The following VWF variants were observed in gnomAD, a reference collection of about 807,000 sequenced individuals.
The protein encoded by VWF is von Willebrand factor, also known as Factor VIII related antigen.
In VWF, 176 loss-of-function variants were observed where a neutral mutation model predicts 308.6. The observed-to-expected ratio is 0.57, with a 90% CI of 0.50 to 0.65. The LOEUF is 0.65. VWF is among the 30% of genes least tolerant of loss of function. The probability of loss-of-function intolerance (pLI) is 0.00; values close to 1 mark genes in which losing one functional copy is unlikely to be tolerated. For missense variants in VWF, 3,146 were observed against 3,648.2 expected (o/e 0.86, Z 3.55); for synonymous variants, 1,385 against 1,443.4 (o/e 0.96, Z 0.92).
At chr12:6,095,402 T>C in intron 6 of VWF, 58 bp downstream of exon 6, 1 of 1,612,326 alleles carries the variant, frequency 6.2e-7, no homozygotes, top group Non-Finnish European at 8.5e-7. Flanking sequence ...AGTCCTTCTG[T>C]CTTTTAGATC....
At chr12:5,986,381 T>G (rs1943681011) in intron 38 of VWF, among the ~76,000 whole-genome samples, 1 of 152,152 alleles carries the variant, frequency 6.6e-6, no homozygotes, top group Non-Finnish European at 1.5e-5. Context: ...GCTCCACTAA[T>G]AAGAAGCAGA....
At chr12:5,990,949 A>T (rs1464006568) in intron 38 of VWF, among the ~76,000 whole-genome samples, 1 of 150,354 alleles carries the variant, frequency 6.7e-6, no homozygotes, top group Non-Finnish European at 1.5e-5. Context: ...CAGCCCAAAA[A>T]AGATGCAGCA....
At chr12:6,013,797 T>C (rs1186859090) in intron 31 of VWF, 152 bp from the exon 32 acceptor site, 4 of 877,606 alleles carry the variant, frequency 4.6e-6, no homozygotes, top group East Asian at 2.6e-5. Flanking sequence ...AGTCAACAGA[T>C]ATTAATGAGC....
chr12:6,030,624 TA>T lies in VWF; in HGVS notation c.2820+819del, dbSNP rs1025909334. 2.2e-4 allele frequency among the ~76,000 whole-genome samples: 33 copies of T among 152,064 alleles called. 1 individual carries two copies. The highest frequency in any genetic ancestry group is 4.3e-4 in the Non-Finnish European group (29 of 68,012). ...GAGTCAGAATCTCAGCATGGAGTTC[TA>T]GGAGCCACATTTTAAACAAGATCTC... On this transcript the variant is annotated intron_variant, in intron 21 of 51. Transcript: ENST00000261405.
intron 6 of VWF, chr12:6,095,134 A>G (rs1260651320): frequency 2.7e-6 from 1 of 369,008 alleles, no homozygotes; most frequent in Non-Finnish European, 5.3e-6. Context: ...AAGACACTGA[A>G]TGCTGGTACC....
intron 40 of VWF, among the ~76,000 whole-genome samples, chr12:5,984,199 C>G (rs1943650875): frequency 6.6e-6 from 1 of 152,166 alleles, no homozygotes; most frequent in African/African-American, 2.4e-5. Flanking sequence ...ATAATAAGGG[C>G]AAAGTGCCCG....
Position 6,080,402 on chromosome 12 carries a change from G to C in VWF, c.658-4851C>G, listed in dbSNP as rs575655072. 6.6e-5 allele frequency among the ~76,000 whole-genome samples: 10 copies of C among 152,308 alleles called. No individual in the cohort carries two copies. The South Asian group carries it at 1.9e-3, about 28-fold the overall frequency. ...TGTTTGCCTAACAGCCTGAAGACTTGGTTCTCACCTAGAGGTGTCTTCCCA... is the reference window on the plus strand; with the variant it reads ...TGTTTGCCTAACAGCCTGAAGACTTCGTTCTCACCTAGAGGTGTCTTCCCA... On this transcript the variant is annotated intron_variant, in intron 6 of 51. Coordinates refer to ENST00000261405, the MANE Select transcript of VWF (RefSeq NM_000552.5).
In VWF at chr12:6,110,540, A is replaced by T; in HGVS notation, c.366T>A (p.Thr122=). 8 of 1,614,144 alleles carry T rather than the reference A, an allele frequency of 5.0e-6. No homozygotes were observed. Among genetic ancestry groups the T allele is most frequent in the Non-Finnish European group, 5.1e-6 (6 of 1,180,006 alleles). Reference sequence around the variant, plus strand: ...CGGACAGCTTGTAGTACCCAGCCTCAGTTTCTAGATACAGCCCTTTGGAGG... The same window carrying T: ...CGGACAGCTTGTAGTACCCAGCCTCTGTTTCTAGATACAGCCCTTTGGAGG... ...PYASKGLYLE[T]EAGYYKLSGE... The change falls in exon 5 of 52, where the codon ACT becomes ACA. Residue 122 remains threonine (T), a synonymous_variant. Coordinates refer to ENST00000261405, the MANE Select transcript of VWF (RefSeq NM_000552.5).
At chr12:5,964,944 G>A (rs1354561808) in intron 47 of VWF, among the ~76,000 whole-genome samples, 1 of 152,232 alleles carries the variant, frequency 6.6e-6, no homozygotes, top group African/African-American at 2.4e-5. Flanking sequence ...AGAGAGCATG[G>A]AAGTGAATGG....
At position 6,058,490 on chromosome 12, in the gene VWF, C is replaced by T. The variant is rs61706666; in HGVS notation, c.1534-446G>A. On this transcript the variant is annotated intron_variant, in intron 13 of 51. Transcript: ENST00000261405. This position sits in a 1 kb window ranked among gnomAD's most constrained non-coding sequence, Gnocchi z 4.9. ...AGTTACGTGCAAACTCAAGGCCCCT[C>T]TATATAGAAAGACTTCGCGTTGGTC... Among the ~76,000 whole-genome samples, 4,525 of 152,248 alleles carry T rather than the reference C, an allele frequency of 0.03. 231 individuals are homozygous for T. Among genetic ancestry groups the T allele is most frequent in the African/African-American group, 0.1 (4,267 of 41,528 alleles).
At chr12:6,098,561 G>A (rs182944391) in intron 5 of VWF, among the ~76,000 whole-genome samples, 2,050 of 151,466 alleles carry the variant, frequency 0.014, 23 homozygotes, top group Non-Finnish European at 0.022. Context: ...GGCGGATCAC[G>A]AGGTCGGGAG....
Position 6,065,290 on chromosome 12 carries a change from G to A in VWF, c.1157-17C>T, listed in dbSNP as rs1406150340. 3.7e-6 allele frequency: 6 copies of A among 1,613,892 alleles called. No homozygotes were observed. Among genetic ancestry groups the A allele is most frequent in the Non-Finnish European group, 4.2e-6 (5 of 1,179,972 alleles). ...GGCACTCCCCTGGAGAGACACAGAGGAAGGGAGAAGAATGGGAGGTGAGGG... is the reference window on the plus strand; with the variant it reads ...GGCACTCCCCTGGAGAGACACAGAGAAAGGGAGAAGAATGGGAGGTGAGGG... On this transcript the variant is annotated splice_polypyrimidine_tract_variant and intron_variant, in intron 10 of 51. Coordinates refer to ENST00000261405, the MANE Select transcript of VWF (RefSeq NM_000552.5).
In VWF at chr12:6,077,080, C is replaced by T. The variant is rs1367583215; in HGVS notation, c.658-1529G>A. On this transcript the variant is annotated intron_variant, in intron 6 of 51. Coordinates refer to ENST00000261405, the MANE Select transcript of VWF (RefSeq NM_000552.5). ...ATCCCAGCACTTTGGGAGGCCAAGT[C>T]GGGCGGATCACTTGAGATCAGGAAT... 1.2e-4 allele frequency among the ~76,000 whole-genome samples: 19 copies of T among 152,170 alleles called. No individual in the cohort carries two copies. The East Asian group carries it at 1.3e-3, about 11-fold the overall frequency.
At chr12:6,082,469 G>A (rs945545295) in intron 6 of VWF, among the ~76,000 whole-genome samples, 4 of 152,134 alleles carry the variant, frequency 2.6e-5, no homozygotes, top group African/African-American at 4.8e-5. Flanking sequence ...CTATACAATC[G>A]TTAAATTTTA....
chr12:6,122,629 C>T lies in VWF; in HGVS notation c.55+513G>A, dbSNP rs1471993486. 1.2e-5 allele frequency: 5 copies of T among 400,356 alleles called. No homozygotes were observed. The East Asian group carries it at 3.1e-4, about 25-fold the overall frequency. The allele number at this position is 400,356 out of a possible 1,614,324, so 24.8% of individuals were successfully genotyped here. ...AGCGCCCAAGGTCAAAAGTCCCCTC[C>T]CGCCATTTGCAGACCCAGAATCTTA... On this transcript the variant is annotated intron_variant, in intron 2 of 51. Coordinates refer to ENST00000261405, the MANE Select transcript of VWF (RefSeq NM_000552.5).
chr12:5,965,451 T>C (rs2136352225), intron 47 of VWF, among the ~76,000 whole-genome samples: 1 of 152,280 alleles, frequency 6.6e-6, no homozygotes, highest in East Asian at 1.9e-4. Context: ...CATTCATTGC[T>C]CAAGGTCCAC....
chr12:6,122,946 G>A (rs1172723210), intron 2 of VWF, 196 bp downstream of exon 2: 2 of 760,510 alleles, frequency 2.6e-6, no homozygotes, highest in Middle Eastern at 2.3e-4. Flanking sequence ...ACAGGAGATG[G>A]CATTTGCAGG....
At chr12:6,119,103 C>T (rs1156913451) in intron 3 of VWF, among the ~76,000 whole-genome samples, 5 of 152,216 alleles carry the variant, frequency 3.3e-5, no homozygotes, top group Admixed American at 3.3e-4. Context: ...TTCCCTGCTG[C>T]ACAAGACCCT....
Position 6,024,745 on chromosome 12 carries a change from C to T in VWF, c.3222+835G>A, listed in dbSNP as rs972944532. On this transcript the variant is annotated intron_variant, in intron 24 of 51. Transcript: ENST00000261405. This position sits in a 1 kb window ranked among gnomAD's most constrained non-coding sequence, Gnocchi z 4.0. ...AGATAAGAGACAACTGCACTATGGT[C>T]GGGCATGGTGGCTCACACCTGTAAT... Among the ~76,000 whole-genome samples, 3 of 152,142 alleles carry T rather than the reference C, an allele frequency of 2.0e-5. No homozygotes were observed. The highest frequency in any genetic ancestry group is 2.1e-4 in the South Asian group (1 of 4,826).
Sources: gnomAD v4.1 joint callset for allele counts (sites outside exome capture counted in the v4.1 genomes callset) on GRCh38, gnomAD v4.1.1 for gene constraint, Gnocchi (gnomAD v3.1) non-coding constraint, MANE v1.5 for transcripts, NCBI Gene and HGNC (gene_info 2026-07-23, HGNC 2026-07-21) for gene names.